GRM4: variants seen among roughly 807,000 people sequenced by gnomAD.
GRM4 encodes metabotropic glutamate receptor 4.
GRM4 carries 28 observed loss-of-function variants against 81.7 expected under a neutral mutation model. The observed-to-expected ratio is 0.34, with a 90% CI of 0.25 to 0.47. The LOEUF (loss-of-function observed/expected upper bound fraction) is 0.47, where lower values mean the gene tolerates loss of function less well. Ranked by LOEUF, GRM4 falls within the 20% of genes least tolerant of loss-of-function variation. The probability of loss-of-function intolerance (pLI) is 1.00; values close to 1 mark genes in which losing one functional copy is unlikely to be tolerated. For synonymous variants in GRM4, 488 were observed against 528.8 expected (o/e 0.92, Z 1.06); for missense variants, 948 against 1,290.0 (o/e 0.73, Z 4.06).
chr6:34,107,796 G>A (rs1054088085), intron 2 of GRM4, among the ~76,000 whole-genome samples: 2 of 152,176 alleles, frequency 1.3e-5, no homozygotes, highest in Admixed American at 1.3e-4. Flanking sequence ...CACTGCAATG[G>A]TCCAGGTGAG....
chr6:34,121,069 G>A lies in GRM4; in HGVS notation c.519+11909C>T, dbSNP rs575688119. 3.3e-5 allele frequency among the ~76,000 whole-genome samples: 5 copies of A among 152,062 alleles called. No homozygotes were observed. The highest frequency in any genetic ancestry group is 1.9e-4 in the East Asian group (1 of 5,204). On this transcript the variant is annotated intron_variant, in intron 2 of 10. Transcript: ENST00000538487. The surrounding 1 kb of genome is among the most constrained non-coding windows in gnomAD (Gnocchi z 4.6). ...TGAAAGAGAGTAAGCCCTTCATGACGGACCCACATTGAACATGCCACTCAT... is the reference window on the plus strand; with the variant it reads ...TGAAAGAGAGTAAGCCCTTCATGACAGACCCACATTGAACATGCCACTCAT...
At position 34,028,361 on chromosome 6, in the gene GRM4, G is replaced by A. The variant is rs751734906; in HGVS notation, c.2448C>T (p.Tyr816=). The A allele has an allele frequency of 6.2e-7, 1 of 1,609,372 alleles. No homozygotes were observed. The highest frequency in any genetic ancestry group is 1.7e-5 in the Admixed American group (1 of 59,986). Residue 816 remains tyrosine (Y), a synonymous_variant, in exon 10 of 11, where the codon TAC becomes TAT. Coordinates refer to ENST00000538487, the MANE Select transcript of GRM4 (RefSeq NM_000841.4). ...FGTSQSADKL[Y]IQTTTLTVSV... ...AGACCGTCAGCGTCGTCGTCTGGAT[G>A]TACAGCTGGCGGAGGGCACGGTGGC...
chr6:34,118,499 C>A (rs1323383429), intron 2 of GRM4, among the ~76,000 whole-genome samples: 1 of 152,232 alleles, frequency 6.6e-6, no homozygotes, highest in Non-Finnish European at 1.5e-5. Flanking sequence ...ACATTAACTT[C>A]TCTGGGCCTC....
rs1240119011 is a variant in GRM4 at position 34,034,490 on chromosome 6, A to G, written c.2442+1178T>C. ...GCAGCCAGAGGGTCCTTTTCAACCT[A>G]CATCAGATAGCACCCTCACCTGCTC... On this transcript the variant is annotated intron_variant, in intron 9 of 10. Transcript: ENST00000538487. The surrounding 1 kb of genome is among the most constrained non-coding windows in gnomAD (Gnocchi z 4.0). Among the ~76,000 whole-genome samples, 1 of 152,066 alleles carries G rather than the reference A, an allele frequency of 6.6e-6. No homozygotes were observed. Among genetic ancestry groups the G allele is most frequent in the Non-Finnish European group, 1.5e-5 (1 of 68,016 alleles).
intron 1 of GRM4, among the ~76,000 whole-genome samples, chr6:34,143,983 G>GGCA (rs1343902647): frequency 1.3e-5 from 2 of 152,250 alleles, no homozygotes; most frequent in Admixed American, 6.5e-5. Flanking sequence ...CGTGGCTTCG[G>GGCA]GCACCCAGCT....
At chr6:34,023,830 A>G (rs1562003799) in intron 10 of GRM4, among the ~76,000 whole-genome samples, 1 of 152,150 alleles carries the variant, frequency 6.6e-6, no homozygotes, top group Non-Finnish European at 1.5e-5. Context: ...CAGAGGGGTG[A>G]GGGGCCTGGC....
chr6:34,056,549 C>T lies in GRM4; in HGVS notation c.1163G>A (p.Cys388Tyr). 6.2e-7 allele frequency: 1 copy of T among 1,612,738 alleles called. No homozygotes were observed. The highest frequency in any genetic ancestry group is 8.5e-7 in the Non-Finnish European group (1 of 1,179,646). Residue 388 changes from cysteine to tyrosine, a missense_variant, in exon 6 of 11, where the codon TGC becomes TAC. Physicochemically the swap from Cys to Tyr is radical, Grantham distance 194. Coordinates refer to ENST00000538487, the MANE Select transcript of GRM4 (RefSeq NM_000841.4). ...ALKKGSHVKK[C>Y]TNRERIGQDS... ...TGCCCGGCCCGCGTGCTCACTGGTG[C>T]ACTTCTTGACGTGGCTGCCCTTCTT...
intron 2 of GRM4, among the ~76,000 whole-genome samples, chr6:34,128,327 G>A (rs1770101471): frequency 1.3e-5 from 2 of 151,562 alleles, no homozygotes; most frequent in African/African-American, 4.9e-5. Context: ...CTGACTGTGT[G>A]CCAGGCACCA....
chr6:34,028,858 C>T (rs928395158), intron 9 of GRM4, among the ~76,000 whole-genome samples: 26 of 152,158 alleles, frequency 1.7e-4, no homozygotes, highest in African/African-American at 6.3e-4. Flanking sequence ...CGTCACAGCC[C>T]CTCGGATCAG....
At position 34,069,911 on chromosome 6, in the gene GRM4, C is replaced by T. The variant is rs1313809881; in HGVS notation, c.737-7883G>A. ...AGCTCCCCACCCAGTTCTTCCCTGG[C>T]TGGACTGCATTTATCTCCCTGGGGT... On this transcript the variant is annotated intron_variant, in intron 3 of 10. Coordinates refer to ENST00000538487, the MANE Select transcript of GRM4 (RefSeq NM_000841.4). The surrounding 1 kb of genome is among the most constrained non-coding windows in gnomAD (Gnocchi z 6.4). Among the ~76,000 whole-genome samples, 1 of 152,204 alleles carries T rather than the reference C, an allele frequency of 6.6e-6. No homozygotes were observed. Among genetic ancestry groups the T allele is most frequent in the African/African-American group, 2.4e-5 (1 of 41,446 alleles).
At chr6:34,043,333 A>T (rs1765106440) in intron 6 of GRM4, among the ~76,000 whole-genome samples, 1 of 152,192 alleles carries the variant, frequency 6.6e-6, no homozygotes, top group Non-Finnish European at 1.5e-5. Context: ...GAGAAATGGA[A>T]TGGACGATCC....
chr6:34,042,956 C>T lies in GRM4; in HGVS notation c.1169-2208G>A, dbSNP rs1040081112. Among the ~76,000 whole-genome samples, 4 of 152,206 alleles carry T rather than the reference C, an allele frequency of 2.6e-5. No homozygotes were observed. Among genetic ancestry groups the T allele is most frequent in the Non-Finnish European group, 5.9e-5 (4 of 68,022 alleles). On this transcript the variant is annotated intron_variant, in intron 6 of 10. Coordinates refer to ENST00000538487, the MANE Select transcript of GRM4 (RefSeq NM_000841.4). The surrounding 1 kb of genome is among the most constrained non-coding windows in gnomAD (Gnocchi z 4.2). ...GCCAGCCAGAACCACATCCCATTTT[C>T]AGCCTTCCTCAGGGTAGGTACTCAG...
Position 34,062,024 on chromosome 6 carries a change from G to A in GRM4, c.741C>T (p.Gly247=), listed in dbSNP as rs751232139. The A allele has an allele frequency of 4.5e-5, 73 of 1,608,936 alleles. No individual in the cohort carries two copies. Among genetic ancestry groups the A allele is most frequent in the Admixed American group, 8.4e-5 (5 of 59,814 alleles). ...TCTTCACCGACTGGGCGATGCACACGCCCCCTGCAGGAGGGGCACCAGTTA... is the reference window on the plus strand; with the variant it reads ...TCTTCACCGACTGGGCGATGCACACACCCCCTGCAGGAGGGGCACCAGTTA... ...AFIQKSREDG[G]VCIAQSVKIP... Residue 247 remains glycine (G), a synonymous_variant, in exon 4 of 11, where the codon GGC becomes GGT. Coordinates refer to ENST00000538487, the MANE Select transcript of GRM4 (RefSeq NM_000841.4).
In GRM4 at chr6:34,035,564, G is replaced by GAAGGCAGAATGAGAGAAGAAAA; in HGVS notation, c.2442+103_2442+104insTTTTCTTCTCTCATTCTGCCTT. On this transcript the variant is annotated intron_variant, in intron 9 of 10. Coordinates refer to ENST00000538487, the MANE Select transcript of GRM4 (RefSeq NM_000841.4). The surrounding 1 kb of genome is among the most constrained non-coding windows in gnomAD (Gnocchi z 6.6). ...AAAGAAGGCAGAATGAGGCATGAAAGAAGGCATTTCTGGAGCAGGGGGGAG... is the reference window on the plus strand; with the variant it reads ...AAAGAAGGCAGAATGAGGCATGAAAGAAGGCAGAATGAGAGAAGAAAAAAGGCATTTCTGGAGCAGGGGGGAG... The GAAGGCAGAATGAGAGAAGAAAA allele has an allele frequency of 1.5e-6, 1 of 649,540 alleles. No individual in the cohort carries two copies. The highest frequency in any genetic ancestry group is 2.8e-5 in the East Asian group (1 of 35,904). 40.2% of individuals were successfully genotyped at this position (649,540 alleles called of 1,614,324 possible).
chr6:34,041,635 A>AG (rs1581603633), intron 6 of GRM4, among the ~76,000 whole-genome samples: 2 of 152,150 alleles, frequency 1.3e-5, no homozygotes, highest in Admixed American at 6.5e-5. Flanking sequence ...CCATGAGATA[A>AG]GGTACCGAAA....
chr6:34,087,799 TACACACACACACACACACAC>T (rs71000022), intron 3 of GRM4, among the ~76,000 whole-genome samples: 2 of 88,338 alleles, frequency 2.3e-5, no homozygotes. Flanking sequence ...CATGCACCCC[TACACACACACACACACACAC>T]ACACACACAC....
chr6:34,095,284 C>A (rs997633653), intron 2 of GRM4, among the ~76,000 whole-genome samples: 2 of 152,128 alleles, frequency 1.3e-5, no homozygotes, highest in Non-Finnish European at 2.9e-5. Flanking sequence ...CAGCCTCCTG[C>A]GATGTGTCCA....
rs1562001670 is a variant in GRM4 at position 34,021,966 on chromosome 6, C to CGGCAGGAGGGGCAGGCG, written c.*838_*854dup. 1.3e-5 allele frequency: 2 copies of CGGCAGGAGGGGCAGGCG among 154,518 alleles called. No homozygotes were observed. Among genetic ancestry groups the CGGCAGGAGGGGCAGGCG allele is most frequent in the Non-Finnish European group, 2.9e-5 (2 of 69,366 alleles). 9.6% of individuals were successfully genotyped at this position (154,518 alleles called of 1,614,324 possible). On this transcript the variant is annotated 3_prime_UTR_variant, in exon 11 of 11. Coordinates refer to ENST00000538487, the MANE Select transcript of GRM4 (RefSeq NM_000841.4). This position sits in a 1 kb window ranked among gnomAD's most constrained non-coding sequence, Gnocchi z 5.3. ...ACCCAGGCACTGAACTCCGTGTGGT[C>CGGCAGGAGGGGCAGGCG]GGCAGGAGGGGCAGGCGGGCAGGCG...
At chr6:34,124,091 C>G (rs1254200108) in intron 2 of GRM4, among the ~76,000 whole-genome samples, 2 of 152,192 alleles carry the variant, frequency 1.3e-5, no homozygotes, top group African/African-American at 4.8e-5. Flanking sequence ...ACAGGGGTCC[C>G]AAGAGACCTG....
Sources: allele counts gnomAD v4.1 joint callset (sites outside exome capture counted in the v4.1 genomes callset), GRCh38; gene constraint gnomAD v4.1.1; non-coding constraint Gnocchi (gnomAD v3.1); transcripts MANE v1.5; gene names NCBI Gene and HGNC (gene_info 2026-07-23, HGNC 2026-07-21).